The following KIF13B variants were observed in gnomAD, a reference collection of about 807,000 sequenced individuals.
KIF13B encodes the protein kinesin-like protein KIF13B.
Under a neutral mutation model 222.0 loss-of-function variants are expected in KIF13B, and 127 were observed. That is an observed-to-expected ratio of 0.57 (90% CI 0.50 to 0.66). The LOEUF is 0.66. KIF13B is among the 30% of genes least tolerant of loss of function. The pLI is 0.00. For missense variants in KIF13B, 2,173 were observed against 2,379.0 expected (o/e 0.91, Z 1.80); for synonymous variants, 976 against 919.0 (o/e 1.06, Z -1.12).
intron 13 of KIF13B, among the ~76,000 whole-genome samples, chr8:29,156,235 T>C (rs749588416): frequency 1.6e-4 from 25 of 152,158 alleles, no homozygotes; most frequent in Non-Finnish European, 3.2e-4. Flanking sequence ...CCTCTCAAAG[T>C]GCTGGGATTA....
intron 1 of KIF13B, among the ~76,000 whole-genome samples, 179 bp downstream of exon 1, chr8:29,262,801 G>T (rs1353342750): frequency 6.0e-5 from 9 of 151,220 alleles, no homozygotes; most frequent in Non-Finnish European, 1.3e-4. Context: ...GAAGGGAGGG[G>T]AGAAGAGGGA....
Position 29,188,546 on chromosome 8 carries a change from G to A in KIF13B, c.285C>T (p.Tyr95=), listed in dbSNP as rs187308943. ...ENILQNAFDG[Y]NACIFAYGQT... ...GTCCATAGGCAAAGATACATGCATT[G>A]TAGCCATCAAAAGCATTCTGCAGGA... Residue 95 remains tyrosine, a synonymous_variant, in exon 5 of 40, where the codon TAC becomes TAT. Coordinates refer to ENST00000524189, the MANE Select transcript of KIF13B (RefSeq NM_015254.4). The A allele has an allele frequency of 2.0e-4, 315 of 1,611,040 alleles. No homozygotes were observed. The African/African-American group carries it at 3.7e-3, about 19-fold the overall frequency.
chr8:29,200,450 G>T (rs954750644), intron 2 of KIF13B, among the ~76,000 whole-genome samples: 2 of 152,084 alleles, frequency 1.3e-5, no homozygotes, highest in African/African-American at 4.8e-5. Flanking sequence ...AATTATTTTT[G>T]TTGTTGTTGT....
At chr8:29,183,724 A>G (rs1812813649) in intron 6 of KIF13B, among the ~76,000 whole-genome samples, 1 of 152,254 alleles carries the variant, frequency 6.6e-6, no homozygotes, top group African/African-American at 2.4e-5. Flanking sequence ...GTGAATGAAC[A>G]GACTTCACTA....
intron 2 of KIF13B, chr8:29,218,871 C>T (rs995837282): frequency 6.6e-6 from 1 of 152,248 alleles, no homozygotes; most frequent in African/African-American, 2.4e-5. Flanking sequence ...AGGTGCTGGG[C>T]AAATCGCTCC....
chr8:29,199,081 A>ATTTTTTTTT (rs1435870446), intron 2 of KIF13B, among the ~76,000 whole-genome samples: 10 of 151,562 alleles, frequency 6.6e-5, no homozygotes, highest in African/African-American at 1.9e-4. Context: ...AAAAAAATAA[A>ATTTTTTTTT]ATTTTTTAAA....
chr8:29,075,357 T>C lies in KIF13B; in HGVS notation c.4459-14A>G. On this transcript the variant is annotated splice_polypyrimidine_tract_variant and intron_variant, in intron 37 of 39. Coordinates refer to ENST00000524189, the MANE Select transcript of KIF13B (RefSeq NM_015254.4). The stretch of plus-strand genomic sequence containing the variant: ...GCGGGGCACGGGCTGAGGAGGCAAG[T>C]GTGCAGGTCAGGGGTCGAGAGGACA... 6.4e-7 allele frequency: 1 copy of C among 1,554,966 alleles called. No homozygotes were observed. The highest frequency in any genetic ancestry group is 2.4e-5 in the East Asian group (1 of 41,434).
intron 34 of KIF13B, 149 bp downstream of exon 34, chr8:29,109,285 A>G: frequency 1.5e-6 from 1 of 666,208 alleles, no homozygotes; most frequent in Non-Finnish European, 2.7e-6. Flanking sequence ...GCACAGACCC[A>G]GTGGGGTGGA....
At chr8:29,165,907 G>GATTGTAGATCGAAGTACCTCA in intron 11 of KIF13B, 135 bp from the exon 12 acceptor site, 4 of 682,242 alleles carry the variant, frequency 5.9e-6, no homozygotes, top group South Asian at 3.8e-5. Flanking sequence ...CATCTACTTC[G>GATTGTAGATCGAAGTACCTCA]ATTGTAGATC....
chr8:29,187,168 G>A (rs1218486328), intron 5 of KIF13B, among the ~76,000 whole-genome samples: 1 of 152,116 alleles, frequency 6.6e-6, no homozygotes, highest in Non-Finnish European at 1.5e-5. Flanking sequence ...GGACCCCAGA[G>A]CAAATTAACT....
intron 35 of KIF13B, among the ~76,000 whole-genome samples, chr8:29,106,231 G>A (rs1211523683): frequency 2.6e-5 from 4 of 152,144 alleles, no homozygotes; most frequent in Non-Finnish European, 4.4e-5. Context: ...ACAGAAACCC[G>A]TGTCCATGCA....
chr8:29,157,392 C>CA (rs371702237), intron 13 of KIF13B, among the ~76,000 whole-genome samples: 49,225 of 88,952 alleles, frequency 0.55, 14,077 homozygotes, highest in Non-Finnish European at 0.68. Flanking sequence ...TCGTCTCTAC[C>CA]AAAAAAAAAA....
At chr8:29,256,796 C>A (rs1014235605) in intron 1 of KIF13B, among the ~76,000 whole-genome samples, 1 of 152,134 alleles carries the variant, frequency 6.6e-6, no homozygotes, top group African/African-American at 2.4e-5. Context: ...GCTCTGTCGC[C>A]CAGGCTAGAG....
In KIF13B at chr8:29,069,530, T is replaced by C. The variant is rs1345044557; in HGVS notation, c.*974A>G. On this transcript the variant is annotated 3_prime_UTR_variant, in exon 40 of 40. Coordinates refer to ENST00000524189, the MANE Select transcript of KIF13B (RefSeq NM_015254.4). ...GCACATCATTCTCCCAGGTTTTTGC[T>C]CTCATCCAAGTTAAGAGTAAGGCCA... 6.6e-6 allele frequency: 1 copy of C among 152,250 alleles called. No homozygotes were observed. The highest frequency in any genetic ancestry group is 1.5e-5 in the Non-Finnish European group (1 of 68,078). The allele number at this position is 152,250 out of a possible 1,614,324, so 9.4% of individuals were successfully genotyped here.
At chr8:29,225,517 C>A (rs1814981894) in intron 2 of KIF13B, among the ~76,000 whole-genome samples, 1 of 152,092 alleles carries the variant, frequency 6.6e-6, no homozygotes, top group Non-Finnish European at 1.5e-5. Flanking sequence ...TGGAGGTGTG[C>A]CCTGCCTGCC....
intron 36 of KIF13B, among the ~76,000 whole-genome samples, chr8:29,093,339 CT>C (rs34421496): frequency 2.0e-5 from 3 of 152,130 alleles, no homozygotes; most frequent in African/African-American, 7.2e-5. Context: ...TGAAACTGAC[CT>C]TTTGGGAAAA....
At chr8:29,159,492 A>T (rs1257989139) in intron 13 of KIF13B, among the ~76,000 whole-genome samples, 1 of 152,188 alleles carries the variant, frequency 6.6e-6, no homozygotes, top group Non-Finnish European at 1.5e-5. Flanking sequence ...ATATGTGTAT[A>T]AGAAACCATA....
At chr8:29,112,924 T>C (rs1307686421) in intron 32 of KIF13B, among the ~76,000 whole-genome samples, 1 of 152,216 alleles carries the variant, frequency 6.6e-6, no homozygotes, top group African/African-American at 2.4e-5. Flanking sequence ...ATAATAATAG[T>C]ACTAATAAAA....
chr8:29,129,964 T>C (rs1430289024), intron 24 of KIF13B, among the ~76,000 whole-genome samples: 1 of 152,224 alleles, frequency 6.6e-6, no homozygotes. Flanking sequence ...GCCAGGACAC[T>C]AGAGAGCCAG....
Sources: gnomAD v4.1 joint callset for allele counts (sites outside exome capture counted in the v4.1 genomes callset) on GRCh38, gnomAD v4.1.1 for gene constraint, MANE v1.5 for transcripts, NCBI Gene and HGNC (gene_info 2026-07-23, HGNC 2026-07-21) for gene names.